The following PHACTR1 variants were observed in gnomAD, a reference collection of about 807,000 sequenced individuals.
PHACTR1 encodes the protein phosphatase and actin regulator 1.
PHACTR1 carries 16 observed loss-of-function variants against 69.2 expected under a neutral mutation model. The observed-to-expected ratio is 0.23, with a 90% CI of 0.16 to 0.35. The LOEUF (loss-of-function observed/expected upper bound fraction) is 0.35, where lower values mean the gene tolerates loss of function less well. Ranked by LOEUF, PHACTR1 falls within the 10% of genes least tolerant of loss-of-function variation. The pLI is 1.00. For missense variants in PHACTR1, 510 were observed against 734.7 expected (o/e 0.69, Z 3.54); for synonymous variants, 312 against 284.5 (o/e 1.10, Z -0.97).
At chr6:13,113,459 C>G (rs1817352681) in intron 5 of PHACTR1, among the ~76,000 whole-genome samples, 1 of 152,148 alleles carries the variant, frequency 6.6e-6, no homozygotes, top group Admixed American at 6.5e-5. Flanking sequence ...TACCTCATTC[C>G]ATTAGACTCG....
chr6:13,194,190 GT>G (rs1369554910), intron 7 of PHACTR1, among the ~76,000 whole-genome samples: 1 of 152,126 alleles, frequency 6.6e-6, no homozygotes, highest in African/African-American at 2.4e-5. Context: ...AGATCACGAG[GT>G]CAAGAGATCA....
In PHACTR1 at chr6:13,278,303, G is replaced by A; in HGVS notation, c.1483G>A (p.Glu495Lys). The change falls in exon 12 of 15, where the codon GAG becomes AAG. Residue 495 changes from glutamate to lysine, a missense_variant. Glu to Lys is a moderately conservative substitution (Grantham distance 56). This residue lies in a region of PHACTR1 where 91 missense variants were observed against 203.8 expected (regional missense o/e 0.45). Coordinates refer to ENST00000332995, the MANE Select transcript of PHACTR1 (RefSeq NM_030948.6). ...NEQEEQEEKR[E>K]IKRRLTRKLS... ...ACAAGAGGAACAGGAGGAGAAGAGA[G>A]AGATCAAGAGGAGGCTAACCCGAAA... 1 of 1,600,578 alleles carries A rather than the reference G, an allele frequency of 6.2e-7. No homozygotes were observed.
chr6:12,875,598 C>G, intron 4 of PHACTR1, among the ~76,000 whole-genome samples: 1 of 152,268 alleles, frequency 6.6e-6, no homozygotes, highest in African/African-American at 2.4e-5. Context: ...GGTACCCAGT[C>G]CAATTTGACC....
In PHACTR1 at chr6:13,182,694, C is replaced by G. The variant is rs1228706515; in HGVS notation, c.664+8C>G. On this transcript the variant is annotated splice_region_variant and intron_variant, in intron 7 of 14. Coordinates refer to ENST00000332995, the MANE Select transcript of PHACTR1 (RefSeq NM_030948.6). ...ACATCATGGATGGGCCAGGTAATGC[C>G]CCGGCAGGATTGTAGAGCAGGTCCC... The G allele has an allele frequency of 9.2e-6, 14 of 1,526,986 alleles. No individual in the cohort carries two copies. Among genetic ancestry groups the G allele is most frequent in the Non-Finnish European group, 1.2e-5 (14 of 1,141,012 alleles). The allele number at this position is 1,526,986 out of a possible 1,614,324, so 94.6% of individuals were successfully genotyped here. A position where few individuals can be genotyped will look rare whatever the true frequency, so the allele number is the denominator to read the frequency against.
chr6:12,894,223 G>GA (rs942867840), intron 4 of PHACTR1, among the ~76,000 whole-genome samples: 1 of 152,104 alleles, frequency 6.6e-6, no homozygotes, highest in African/African-American at 2.4e-5. Flanking sequence ...CAAATAATAA[G>GA]AAAAAAGCCT....
At position 13,120,947 on chromosome 6, in the gene PHACTR1, G is replaced by A. The variant is rs539740967; in HGVS notation, c.416-39257G>A. Among the ~76,000 whole-genome samples, 23 of 152,284 alleles carry A rather than the reference G, an allele frequency of 1.5e-4. No individual in the cohort carries two copies. In the South Asian group the frequency reaches 3.7e-3, roughly 25 times the overall value. ...GGGAGCTCTGTGCCAACCCCCAGAT[G>A]ACAAAGAACAAGCCTGGCACCCTAG... On this transcript the variant is annotated intron_variant, in intron 5 of 14. Transcript: ENST00000332995.
At chr6:12,955,394 G>A (rs941906026) in intron 4 of PHACTR1, among the ~76,000 whole-genome samples, 1 of 151,714 alleles carries the variant, frequency 6.6e-6, no homozygotes, top group Non-Finnish European at 1.5e-5. Flanking sequence ...TTATAGCAAC[G>A]GGGTCTTGCT....
rs560923291 is a variant in PHACTR1, at chr6:12,952,095, A to G, written c.251-101270A>G. On this transcript the variant is annotated intron_variant, in intron 4 of 14. Coordinates refer to ENST00000332995, the MANE Select transcript of PHACTR1 (RefSeq NM_030948.6). Reference sequence around the variant, plus strand: ...TTAAAAAAACAGGCATGTGCTTTAGAGCAGTTTTAGGTTCACAGCAAAGTT... The same window carrying G: ...TTAAAAAAACAGGCATGTGCTTTAGGGCAGTTTTAGGTTCACAGCAAAGTT... 3.3e-5 allele frequency among the ~76,000 whole-genome samples: 5 copies of G among 152,278 alleles called. No homozygotes were observed. In the South Asian group the frequency reaches 1.0e-3, roughly 32 times the overall value.
intron 4 of PHACTR1, among the ~76,000 whole-genome samples, chr6:12,844,234 A>G (rs891865989): frequency 1.3e-5 from 2 of 152,060 alleles, no homozygotes; most frequent in African/African-American, 4.8e-5. Context: ...ATCGCTACAA[A>G]AAATTTTAAA....
At chr6:12,966,086 G>A (rs1002932817) in intron 4 of PHACTR1, among the ~76,000 whole-genome samples, 1 of 152,268 alleles carries the variant, frequency 6.6e-6, no homozygotes, top group Admixed American at 6.5e-5. Flanking sequence ...GGAGGGCTAC[G>A]AGGAGGAAGG....
chr6:13,108,008 A>T (rs1169473888), intron 5 of PHACTR1, among the ~76,000 whole-genome samples: 1 of 152,010 alleles, frequency 6.6e-6, no homozygotes, highest in East Asian at 1.9e-4. Flanking sequence ...TTATAAAAGG[A>T]TTTAAGGTTT....
chr6:13,202,517 G>A (rs143428594), intron 7 of PHACTR1, among the ~76,000 whole-genome samples: 6 of 132,574 alleles, frequency 4.5e-5, no homozygotes, highest in Non-Finnish European at 6.2e-5. Flanking sequence ...AGTTTCACTC[G>A]CCCAGGCTAT....
intron 4 of PHACTR1, among the ~76,000 whole-genome samples, chr6:12,846,678 A>G (rs1389144538): frequency 6.6e-6 from 1 of 150,802 alleles, no homozygotes; most frequent in Non-Finnish European, 1.5e-5. Flanking sequence ...TTTTGGAAAT[A>G]TAGGAATGTA....
chr6:12,809,904 TA>T (rs1170360255), intron 4 of PHACTR1, among the ~76,000 whole-genome samples: 1 of 152,248 alleles, frequency 6.6e-6, no homozygotes, highest in South Asian at 2.1e-4. Context: ...AAATACATTT[TA>T]AAATAATTCT....
intron 4 of PHACTR1, among the ~76,000 whole-genome samples, chr6:12,987,618 T>A (rs1302078514): frequency 6.6e-6 from 1 of 151,802 alleles, no homozygotes; most frequent in Non-Finnish European, 1.5e-5. Flanking sequence ...AGCAGAATGA[T>A]GGGATAAAAA....
chr6:12,782,654 A>T (rs979978318), intron 4 of PHACTR1, among the ~76,000 whole-genome samples: 1 of 152,212 alleles, frequency 6.6e-6, no homozygotes, highest in African/African-American at 2.4e-5. Context: ...ATAAAACGAG[A>T]TGTGTTTAGG....
chr6:13,042,358 A>G (rs1248959465), intron 4 of PHACTR1, among the ~76,000 whole-genome samples: 2 of 152,158 alleles, frequency 1.3e-5, no homozygotes, highest in Non-Finnish European at 1.5e-5. Context: ...TTTCTACACT[A>G]AGGATCTTTC....
At chr6:13,277,587 C>T (rs1779184393) in intron 11 of PHACTR1, among the ~76,000 whole-genome samples, 1 of 152,172 alleles carries the variant, frequency 6.6e-6, no homozygotes, top group African/African-American at 2.4e-5. Context: ...GAGTGAGCCC[C>T]AGTCTTATCC....
intron 7 of PHACTR1, among the ~76,000 whole-genome samples, chr6:13,191,185 G>A (rs1297652089): frequency 2.0e-5 from 3 of 152,084 alleles, no homozygotes; most frequent in African/African-American, 7.2e-5. Flanking sequence ...TAATCCCAGT[G>A]CAATAAAACC....
Sources: gnomAD v4.1 joint callset for allele counts (sites outside exome capture counted in the v4.1 genomes callset) on GRCh38, gnomAD v4.1.1 for gene constraint, gnomAD v4.1.1 regional missense constraint, MANE v1.5 for transcripts, NCBI Gene and HGNC (gene_info 2026-07-23, HGNC 2026-07-21) for gene names.